PIK3C2A: variants seen among roughly 807,000 people sequenced by gnomAD.
PIK3C2A encodes phosphatidylinositol-4-phosphate 3-kinase catalytic subunit type 2 alpha.
A neutral mutation model predicts 204.5 loss-of-function variants in PIK3C2A; 97 were observed. That is an observed-to-expected ratio of 0.47 (90% CI 0.40 to 0.56). PIK3C2A has a LOEUF of 0.56. Ranked by LOEUF, PIK3C2A falls within the 20% of genes least tolerant of loss-of-function variation. The pLI is 0.00. For missense variants in PIK3C2A, 1,735 were observed against 1,969.2 expected, an observed-to-expected ratio of 0.88 and a Z score of 2.25; for synonymous variants, 653 against 664.4, an observed-to-expected ratio of 0.98 and a Z score of 0.26.
chr11:17,195,144 G>T (rs1565306929), intron 1 of PIK3C2A, among the ~76,000 whole-genome samples: 2 of 152,206 alleles, frequency 1.3e-5, no homozygotes, highest in East Asian at 3.9e-4. Context: ...GCCGGGTGTG[G>T]TGGCTCATAC....
chr11:17,090,914 CT>C (rs761874478), intron 32 of PIK3C2A, among the ~76,000 whole-genome samples: 285 of 140,900 alleles, frequency 2.0e-3, no homozygotes, highest in Middle Eastern at 7.6e-3. Context: ...TAATTTTTTT[CT>C]TTTTTTTTTT....
At chr11:17,161,220 T>C (rs1470791106) in intron 2 of PIK3C2A, among the ~76,000 whole-genome samples, 1 of 152,204 alleles carries the variant, frequency 6.6e-6, no homozygotes, top group Non-Finnish European at 1.5e-5. Flanking sequence ...TTTCAATAAA[T>C]GCACTTTAAA....
At chr11:17,165,565 C>A (rs1366741761) in intron 2 of PIK3C2A, among the ~76,000 whole-genome samples, 1 of 151,668 alleles carries the variant, frequency 6.6e-6, no homozygotes, top group Non-Finnish European at 1.5e-5. Context: ...CACCTGAGGT[C>A]GGGAGTTTGA....
chr11:17,148,073 G>C (rs1850304123), intron 5 of PIK3C2A, among the ~76,000 whole-genome samples: 1 of 152,048 alleles, frequency 6.6e-6, no homozygotes, highest in Non-Finnish European at 1.5e-5. Context: ...GCCAGGCGTG[G>C]TGGTGCATGC....
chr11:17,145,923 G>C lies in PIK3C2A; in HGVS notation c.1580C>G (p.Pro527Arg), dbSNP rs1185991067. The C allele has an allele frequency of 6.2e-7, 1 of 1,613,024 alleles. No homozygotes were observed. The highest frequency in any genetic ancestry group is 1.7e-5 in the Admixed American group (1 of 59,984). The change falls in exon 7 of 33, where the codon CCC becomes CGC. Residue 527 changes from proline to arginine, a missense_variant. Coordinates refer to ENST00000691414, the MANE Select transcript of PIK3C2A (RefSeq NM_002645.4). ...LARTAEDDET[P>R]VDLNKHLYQI... Reference sequence around the variant, plus strand: ...ATACAGGTGTTTGTTTAAATCCACGGGTGTTTCATCATCTTCTGCCTAAAC... The same window carrying C: ...ATACAGGTGTTTGTTTAAATCCACGCGTGTTTCATCATCTTCTGCCTAAAC...
At chr11:17,206,858 C>T (rs1852598895) in intron 1 of PIK3C2A, among the ~76,000 whole-genome samples, 1 of 152,178 alleles carries the variant, frequency 6.6e-6, no homozygotes, top group African/African-American at 2.4e-5. Context: ...TGCCTGAAAC[C>T]CACCAGGAAA....
chr11:17,164,681 C>T (rs568724348), intron 2 of PIK3C2A, among the ~76,000 whole-genome samples: 1 of 152,154 alleles, frequency 6.6e-6, no homozygotes, highest in Non-Finnish European at 1.5e-5. Context: ...CTACTTTAAT[C>T]CTTCCCCTAT....
chr11:17,193,119 C>T (rs1271386941), intron 1 of PIK3C2A, among the ~76,000 whole-genome samples: 3 of 152,198 alleles, frequency 2.0e-5, no homozygotes, highest in African/African-American at 2.4e-5. Context: ...ACAGCAAGAA[C>T]GCCCTCACCA....
chr11:17,168,597 A>G, intron 2 of PIK3C2A, 80 bp downstream of exon 2: 1 of 1,084,064 alleles, frequency 9.2e-7, no homozygotes, highest in Admixed American at 2.4e-5. Flanking sequence ...AAAAACAAAA[A>G]CAAAAAAACA....
chr11:17,101,000 T>C (rs746601151), intron 25 of PIK3C2A, among the ~76,000 whole-genome samples: 2 of 152,228 alleles, frequency 1.3e-5, no homozygotes, highest in African/African-American at 4.8e-5. Context: ...GCATATCAGA[T>C]GCCTGCCTTG....
chr11:17,169,421 G>C lies in PIK3C2A; in HGVS notation c.321C>G (p.Asp107Glu). 1 of 1,614,078 alleles carries C rather than the reference G, an allele frequency of 6.2e-7. No homozygotes were observed. Among genetic ancestry groups the C allele is most frequent in the Non-Finnish European group, 8.5e-7 (1 of 1,179,938 alleles). Residue 107 changes from aspartate to glutamate, a missense_variant, in exon 2 of 33, where the codon GAC becomes GAG. Asp to Glu is a conservative substitution (Grantham distance 45, BLOSUM62 2). This residue lies in a region of PIK3C2A where 536 missense variants were observed against 546.7 expected (regional missense o/e 0.98). Transcript: ENST00000691414. ...QAELEKLLLDDSFETKKTPVL... is the reference protein window; with the variant it reads ...QAELEKLLLDESFETKKTPVL... ...CAGGTGTTTTTTTAGTCTCGAAACT[G>C]TCATCCAGCAATAGTTTCTCAAGTT... is the stretch of plus-strand genomic sequence containing the variant.
In PIK3C2A at chr11:17,117,647, A is replaced by G. The variant is rs1565252876; in HGVS notation, c.3060T>C (p.Asp1020=). The change falls in exon 19 of 33, where the codon GAT becomes GAC. Residue 1020 remains aspartate, a synonymous_variant. Coordinates refer to ENST00000691414, the MANE Select transcript of PIK3C2A (RefSeq NM_002645.4). The part of the protein sequence containing the change: ...LYWLLKDALH[D]VQFSTRYEHV... ...GTTCGTATCGGGTACTAAACTGTAC[A>G]TCATGCAGGGCATCTTTGAGAAGCC... is the stretch of plus-strand genomic sequence containing the variant. The G allele has an allele frequency of 1.2e-6, 2 of 1,608,374 alleles. No homozygotes were observed. Among genetic ancestry groups the G allele is most frequent in the Non-Finnish European group, 1.7e-6 (2 of 1,176,756 alleles).
intron 1 of PIK3C2A, among the ~76,000 whole-genome samples, chr11:17,178,778 G>A (rs1282635343): frequency 4.8e-5 from 7 of 144,756 alleles, no homozygotes; most frequent in Admixed American, 7.0e-5. Context: ...GCCGGACTGC[G>A]GACTGCAGTG....
chr11:17,171,970 T>C (rs1851183917), intron 1 of PIK3C2A, among the ~76,000 whole-genome samples: 1 of 152,180 alleles, frequency 6.6e-6, no homozygotes, highest in Non-Finnish European at 1.5e-5. Flanking sequence ...TGGATAAATA[T>C]GTGATTAGAC....
At chr11:17,111,753 T>C (rs1166168354) in intron 21 of PIK3C2A, among the ~76,000 whole-genome samples, 2 of 151,794 alleles carry the variant, frequency 1.3e-5, no homozygotes, top group Non-Finnish European at 2.9e-5. Flanking sequence ...GGCACGTGTC[T>C]GTAATCCCAG....
chr11:17,152,406 T>C (rs2137439669), intron 3 of PIK3C2A, among the ~76,000 whole-genome samples: 1 of 152,282 alleles, frequency 6.6e-6, no homozygotes, highest in East Asian at 1.9e-4. Flanking sequence ...AGATTTAAGA[T>C]TCCTTACAAT....
At chr11:17,193,439 T>C (rs1478842585) in intron 1 of PIK3C2A, 1 of 344,350 alleles carries the variant, frequency 2.9e-6, no homozygotes, top group East Asian at 1.0e-4. Context: ...AATTGCTGAA[T>C]ATAGCTTCCG....
At chr11:17,093,654 G>T (rs1026694067) in intron 28 of PIK3C2A, among the ~76,000 whole-genome samples, 3 of 150,238 alleles carry the variant, frequency 2.0e-5, no homozygotes, top group African/African-American at 4.9e-5. Context: ...TTTTGGGGGG[G>T]GGGGACAGGG....
chr11:17,134,206 A>G (rs1849795810), intron 11 of PIK3C2A, among the ~76,000 whole-genome samples: 1 of 151,784 alleles, frequency 6.6e-6, no homozygotes, highest in Admixed American at 6.6e-5. Context: ...AGCTGCACAT[A>G]TTTTCTTTTT....
Sources: allele counts gnomAD v4.1 joint callset (sites outside exome capture counted in the v4.1 genomes callset), GRCh38; gene constraint gnomAD v4.1.1; regional missense constraint gnomAD v4.1.1; transcripts MANE v1.5; gene names NCBI Gene and HGNC (gene_info 2026-07-23, HGNC 2026-07-21).